CNTN5: variants seen among roughly 807,000 people sequenced by gnomAD.
CNTN5 encodes the protein contactin-5.
CNTN5 carries 77 observed loss-of-function variants against 129.1 expected under a neutral mutation model. That is an observed-to-expected ratio of 0.60 (90% CI 0.50 to 0.72). CNTN5 has a LOEUF of 0.72. CNTN5 is among the 30% of genes least tolerant of loss of function. CNTN5 has a pLI of 0.00. For synonymous variants in CNTN5, 509 were observed against 465.6 expected, an observed-to-expected ratio of 1.09 and a Z score of -1.20; for missense variants, 1,478 against 1,328.8, an observed-to-expected ratio of 1.11 and a Z score of -1.75.
At chr11:99,930,720 T>G (rs989970766) in intron 7 of CNTN5, among the ~76,000 whole-genome samples, 45 of 152,178 alleles carry the variant, frequency 3.0e-4, no homozygotes, top group African/African-American at 1.0e-3. Context: ...TTAACTAAAT[T>G]GTTGTCTGAA....
At chr11:99,959,837 C>CTTA (rs760391055) in intron 8 of CNTN5, among the ~76,000 whole-genome samples, 7 of 152,132 alleles carry the variant, frequency 4.6e-5, no homozygotes, top group Non-Finnish European at 7.4e-5. Flanking sequence ...CAGTAACAGT[C>CTTA]TTATTTTTTA....
intron 1 of CNTN5, among the ~76,000 whole-genome samples, chr11:99,261,180 T>A (rs548329505): frequency 3.3e-5 from 5 of 149,960 alleles, no homozygotes; most frequent in Non-Finnish European, 5.9e-5. Flanking sequence ...AATGAACACA[T>A]ACAATGTCAC....
chr11:100,148,008 A>G (rs1288492113), intron 13 of CNTN5, among the ~76,000 whole-genome samples: 1 of 152,184 alleles, frequency 6.6e-6, no homozygotes, highest in Non-Finnish European at 1.5e-5. Flanking sequence ...TCTAAATTAC[A>G]CTTAACCCCT....
At chr11:99,720,131 T>C (rs1943122698) in intron 3 of CNTN5, among the ~76,000 whole-genome samples, 1 of 152,064 alleles carries the variant, frequency 6.6e-6, no homozygotes, top group African/African-American at 2.4e-5. Context: ...ATAGAAACTA[T>C]TTCAAAAAAT....
At chr11:99,769,460 T>C (rs540123459) in intron 3 of CNTN5, among the ~76,000 whole-genome samples, 9 of 152,280 alleles carry the variant, frequency 5.9e-5, no homozygotes, top group African/African-American at 2.2e-4. Context: ...TGGTTTTTCC[T>C]CACCTCTCTC....
chr11:99,083,834 C>A (rs937709396), intron 1 of CNTN5, among the ~76,000 whole-genome samples: 1 of 152,096 alleles, frequency 6.6e-6, no homozygotes, highest in African/African-American at 2.4e-5. Context: ...CAGTGAGCAC[C>A]GCACCAGGCC....
chr11:99,481,079 C>T (rs1305750816), intron 2 of CNTN5, among the ~76,000 whole-genome samples: 1 of 152,002 alleles, frequency 6.6e-6, no homozygotes, highest in Non-Finnish European at 1.5e-5. Context: ...TCCTATATCT[C>T]AGTTCCACAG....
intron 13 of CNTN5, among the ~76,000 whole-genome samples, chr11:100,139,883 G>A (rs1946638765): frequency 6.6e-6 from 1 of 151,842 alleles, no homozygotes; most frequent in Admixed American, 6.6e-5. Context: ...GAAAATAATA[G>A]GTTAATATTT....
chr11:99,821,700 C>A (rs1402017917), intron 4 of CNTN5, among the ~76,000 whole-genome samples: 1 of 152,084 alleles, frequency 6.6e-6, no homozygotes, highest in Non-Finnish European at 1.5e-5. Context: ...CTGTGCTCCT[C>A]AATCTTTACA....
chr11:99,950,151 C>G (rs11222007), intron 7 of CNTN5, among the ~76,000 whole-genome samples: 10,708 of 152,236 alleles, frequency 0.07, 774 homozygotes, highest in East Asian at 0.31. Context: ...GACAAGTATT[C>G]TCTTTTGCAT....
chr11:99,887,963 C>A (rs1948942690), intron 6 of CNTN5, among the ~76,000 whole-genome samples: 1 of 152,160 alleles, frequency 6.6e-6, no homozygotes, highest in African/African-American at 2.4e-5. Flanking sequence ...AGGAACAATA[C>A]TTTGCATCCT....
intron 4 of CNTN5, among the ~76,000 whole-genome samples, chr11:99,834,698 A>T (rs1485192076): frequency 6.6e-6 from 1 of 152,186 alleles, no homozygotes; most frequent in African/African-American, 2.4e-5. Context: ...TGCTAGATGG[A>T]TGTAAGGTAC....
Position 99,765,012 on chromosome 11 carries a change from A to G in CNTN5, c.56-54532A>G, listed in dbSNP as rs189460394. ...CTACTGTATCAACAATTTTCTCTGA[A>G]TTTTTCATCCTTTTTACTTAAGTTT... On this transcript the variant is annotated intron_variant, in intron 3 of 24. Coordinates refer to ENST00000524871, the MANE Select transcript of CNTN5 (RefSeq NM_014361.4). 1.1e-4 allele frequency among the ~76,000 whole-genome samples: 17 copies of G among 152,096 alleles called. No homozygotes were observed. The East Asian group carries it at 3.3e-3, about 29-fold the overall frequency.
At chr11:99,530,453 T>A (rs1219168102) in intron 2 of CNTN5, among the ~76,000 whole-genome samples, 2 of 145,554 alleles carry the variant, frequency 1.4e-5, no homozygotes, top group African/African-American at 2.5e-5. Flanking sequence ...TGCTATGTGA[T>A]ACACTTTTAG....
intron 1 of CNTN5, among the ~76,000 whole-genome samples, chr11:99,289,201 C>A (rs1331834582): frequency 6.6e-6 from 1 of 151,850 alleles, no homozygotes. Flanking sequence ...ATGCTATTAT[C>A]TTCCTTCCTC....
intron 1 of CNTN5, among the ~76,000 whole-genome samples, chr11:99,290,798 C>T (rs1408653753): frequency 6.6e-6 from 1 of 151,768 alleles, no homozygotes; most frequent in Non-Finnish European, 1.5e-5. Context: ...TTAACTGCTT[C>T]TTCCAGTAAT....
At chr11:99,093,709 C>G (rs1261722573) in intron 1 of CNTN5, among the ~76,000 whole-genome samples, 1 of 151,836 alleles carries the variant, frequency 6.6e-6, no homozygotes, top group Non-Finnish European at 1.5e-5. Flanking sequence ...TAATAACCAC[C>G]CCTGAGTTTA....
intron 3 of CNTN5, among the ~76,000 whole-genome samples, chr11:99,790,833 A>G (rs1467388762): frequency 6.6e-6 from 1 of 151,884 alleles, no homozygotes. Flanking sequence ...CCAGCATGTT[A>G]TTTTTTTGAC....
intron 2 of CNTN5, among the ~76,000 whole-genome samples, chr11:99,478,843 A>T (rs138970968): frequency 6.6e-6 from 1 of 152,288 alleles, no homozygotes; most frequent in African/African-American, 2.4e-5. Flanking sequence ...GATTCTATTT[A>T]ATAGATATAT....
Sources: gnomAD v4.1 joint callset for allele counts (sites outside exome capture counted in the v4.1 genomes callset) on GRCh38, gnomAD v4.1.1 for gene constraint, MANE v1.5 for transcripts, NCBI Gene and HGNC (gene_info 2026-07-23, HGNC 2026-07-21) for gene names.